Variants in COL5A2 observed in about 807,000 individuals in gnomAD.
COL5A2 encodes collagen alpha-2(V) chain.
In COL5A2, 23 loss-of-function variants were observed where a neutral mutation model predicts 208.2. The ratio of observed to expected loss-of-function variants is 0.11; its 90% confidence interval spans 0.08 to 0.16. The LOEUF is 0.16. COL5A2 is among the 10% of genes least tolerant of loss of function. The pLI, the probability that COL5A2 is intolerant of heterozygous loss-of-function variation, is 1.00. For missense variants in COL5A2, 1,590 were observed against 1,956.4 expected (o/e 0.81, Z 3.53); for synonymous variants, 625 against 628.5 (o/e 0.99, Z 0.08).
the COL5A2 span, among the ~76,000 whole-genome samples, chr2:189,343,782 AAAT>A: frequency 6.6e-6 from 1 of 152,146 alleles, no homozygotes; most frequent in African/African-American, 2.4e-5. Flanking sequence ...TAACAACATT[AAAT>A]TTGTCCAAAA....
the COL5A2 span, among the ~76,000 whole-genome samples, chr2:189,325,483 C>T: frequency 0.012 from 1,766 of 149,850 alleles, 39 homozygotes; most frequent in East Asian, 0.11. Flanking sequence ...CCCAAACAGA[C>T]ACACACACAC....
At chr2:189,105,128 G>A (rs1417496554) in intron 2 of COL5A2, among the ~76,000 whole-genome samples, 1 of 151,578 alleles carries the variant, frequency 6.6e-6, no homozygotes, top group African/African-American at 2.4e-5. Context: ...GGTTTTCCTA[G>A]GCAAGCTAGA....
intron 1 of COL5A2, among the ~76,000 whole-genome samples, chr2:189,136,436 G>A (rs538653997): frequency 6.7e-5 from 10 of 149,902 alleles, no homozygotes; most frequent in Non-Finnish European, 1.5e-4. Context: ...CTTTTACACA[G>A]GTGTGGTTAC....
chr2:189,117,842 A>ACACAT (rs1226924722), intron 1 of COL5A2, among the ~76,000 whole-genome samples: 1 of 152,094 alleles, frequency 6.6e-6, no homozygotes, highest in African/African-American at 2.4e-5. Flanking sequence ...CTCTGTGAGA[A>ACACAT]CACATATAAT....
At chr2:189,430,500 C>T in the COL5A2 span, among the ~76,000 whole-genome samples, 1 of 152,200 alleles carries the variant, frequency 6.6e-6, no homozygotes, top group Admixed American at 6.5e-5. Context: ...AAATACTGTG[C>T]TTTTCCCAAG....
chr2:189,398,221 A>G, the COL5A2 span, among the ~76,000 whole-genome samples: 1 of 152,218 alleles, frequency 6.6e-6, no homozygotes, highest in Non-Finnish European at 1.5e-5. Context: ...CGGCCAAGCT[A>G]TGGAAAATGT....
intron 1 of COL5A2, among the ~76,000 whole-genome samples, chr2:189,202,786 A>G (rs780096576): frequency 3.9e-5 from 6 of 152,140 alleles, no homozygotes; most frequent in Non-Finnish European, 7.4e-5. Context: ...AGAGGGCAGG[A>G]AAGTGGAATC....
the COL5A2 span, among the ~76,000 whole-genome samples, chr2:189,339,481 T>C: frequency 6.6e-6 from 1 of 152,184 alleles, no homozygotes; most frequent in Non-Finnish European, 1.5e-5. Flanking sequence ...CATTTGTGCA[T>C]AGCAGCATCT....
the COL5A2 span, among the ~76,000 whole-genome samples, chr2:189,342,870 C>T: frequency 2.0e-5 from 3 of 151,938 alleles, no homozygotes; most frequent in Admixed American, 6.6e-5. Context: ...AAAATTGACT[C>T]CCTGCTAAAT....
chr2:189,260,333 G>T, the COL5A2 span, among the ~76,000 whole-genome samples: 1 of 152,178 alleles, frequency 6.6e-6, no homozygotes, highest in Admixed American at 6.5e-5. Flanking sequence ...GCCTGCAAAT[G>T]CCAAGGCTAG....
chr2:189,432,169 G>GCCTGC, the COL5A2 span, among the ~76,000 whole-genome samples: 3 of 152,078 alleles, frequency 2.0e-5, no homozygotes, highest in African/African-American at 7.2e-5. Context: ...TCACCACCAG[G>GCCTGC]CCTGCCCTAC....
At chr2:189,149,813 G>A (rs1397525049) in intron 1 of COL5A2, among the ~76,000 whole-genome samples, 1 of 152,114 alleles carries the variant, frequency 6.6e-6, no homozygotes, top group African/African-American at 2.4e-5. Context: ...TTAACCTCCA[G>A]AATAAAAACA....
At chr2:189,264,905 A>G in the COL5A2 span, among the ~76,000 whole-genome samples, 1 of 152,174 alleles carries the variant, frequency 6.6e-6, no homozygotes, top group Non-Finnish European at 1.5e-5. Flanking sequence ...TGAAAGAAAA[A>G]TTTCAGAAAA....
intron 26 of COL5A2, among the ~76,000 whole-genome samples, chr2:189,063,737 C>T (rs190493264): frequency 6.6e-6 from 1 of 152,232 alleles, no homozygotes; most frequent in Non-Finnish European, 1.5e-5. Context: ...ATCATTTTAA[C>T]ATTTTCACTG....
the COL5A2 span, among the ~76,000 whole-genome samples, chr2:189,346,966 T>C: frequency 2.0e-5 from 3 of 152,114 alleles, no homozygotes; most frequent in Non-Finnish European, 2.9e-5. Context: ...GAACTGCCAT[T>C]TTAGAGTTGA....
chr2:189,428,037 G>T, the COL5A2 span, among the ~76,000 whole-genome samples: 1 of 152,212 alleles, frequency 6.6e-6, no homozygotes, highest in African/African-American at 2.4e-5. Context: ...CCTCAAAGGA[G>T]ACTTTGGACT....
chr2:189,137,402 A>G (rs1244162624), intron 1 of COL5A2, among the ~76,000 whole-genome samples: 1 of 152,242 alleles, frequency 6.6e-6, no homozygotes, highest in Non-Finnish European at 1.5e-5. Flanking sequence ...AGTAGCAAGA[A>G]GGAAGACTTA....
rs925015270 is a variant in COL5A2 at position 189,057,129 on chromosome 2, G to A, written c.2338-103C>T. On this transcript the variant is annotated intron_variant, in intron 34 of 53. Transcript: ENST00000374866. ...AAGGCTAATTGTCATTTTCCTAGTCGTATCCAGGTGAGCCTGGGATGGTGC... is the reference window on the plus strand; with the variant it reads ...AAGGCTAATTGTCATTTTCCTAGTCATATCCAGGTGAGCCTGGGATGGTGC... The A allele has an allele frequency of 3.7e-5, 49 of 1,314,942 alleles. 1 individual carries two copies. The highest frequency in any genetic ancestry group is 1.6e-4 in the East Asian group (7 of 43,380). 81.5% of individuals were successfully genotyped at this position (1,314,942 alleles called of 1,614,324 possible). A position where few individuals can be genotyped will look rare whatever the true frequency, so the allele number is the denominator to read the frequency against.
chr2:189,086,648 T>C (rs1317050025), intron 9 of COL5A2, 78 bp downstream of exon 9: 4 of 1,140,492 alleles, frequency 3.5e-6, no homozygotes, highest in East Asian at 5.1e-5. Flanking sequence ...AAAGCAGTCA[T>C]GTCACAGAGA....
Sources: allele counts gnomAD v4.1 joint callset (sites outside exome capture counted in the v4.1 genomes callset), GRCh38; gene constraint gnomAD v4.1.1; transcripts MANE v1.5; gene names NCBI Gene and HGNC (gene_info 2026-07-23, HGNC 2026-07-21).